The following MAPK14 variants were observed in gnomAD, a reference collection of about 807,000 sequenced individuals.
The protein encoded by MAPK14 is mitogen-activated protein kinase 14, also known as CSAID-binding protein.
In MAPK14, 16 loss-of-function variants were observed where a neutral mutation model predicts 49.6. That is an observed-to-expected ratio of 0.32 (90% CI 0.22 to 0.49). The LOEUF is 0.49. Among genes scored for constraint, MAPK14 ranks in the 20% least tolerant of loss-of-function variants. The probability of loss-of-function intolerance (pLI) is 0.99; values close to 1 mark genes in which losing one functional copy is unlikely to be tolerated. For synonymous variants in MAPK14, 142 were observed against 158.0 expected (o/e 0.90, Z 0.76); for missense variants, 200 against 441.2 (o/e 0.45, Z 4.90).
At chr6:36,085,150 T>G (rs1764929030) in intron 8 of MAPK14, among the ~76,000 whole-genome samples, 1 of 152,166 alleles carries the variant, frequency 6.6e-6, no homozygotes, top group Non-Finnish European at 1.5e-5. Flanking sequence ...AGGCCTGTCT[T>G]GCAAGAGCTC....
intron 8 of MAPK14, among the ~76,000 whole-genome samples, chr6:36,079,273 T>C (rs180704691): frequency 2.0e-5 from 3 of 152,288 alleles, no homozygotes; most frequent in African/African-American, 4.8e-5. Flanking sequence ...TTCTTCGCTG[T>C]TCTTCTAATT....
At chr6:36,036,751 A>ATTTT (rs1260765946) in intron 1 of MAPK14, among the ~76,000 whole-genome samples, 1 of 151,688 alleles carries the variant, frequency 6.6e-6, no homozygotes, top group East Asian at 1.9e-4. Context: ...TTATTTATTT[A>ATTTT]TTTTTTCTAG....
chr6:36,065,301 G>A (rs775366438), intron 3 of MAPK14, among the ~76,000 whole-genome samples: 9 of 152,178 alleles, frequency 5.9e-5, no homozygotes, highest in Non-Finnish European at 1.3e-4. Flanking sequence ...TTAAACAGGT[G>A]AACACAAGAA....
At chr6:36,048,962 A>T (rs1236374098) in intron 1 of MAPK14, among the ~76,000 whole-genome samples, 1 of 152,228 alleles carries the variant, frequency 6.6e-6, no homozygotes, top group Non-Finnish European at 1.5e-5. Flanking sequence ...GAAGAACTCC[A>T]ACATACAGAG....
At chr6:36,058,632 C>G (rs1021737736) in intron 2 of MAPK14, among the ~76,000 whole-genome samples, 2 of 152,168 alleles carry the variant, frequency 1.3e-5, no homozygotes, top group Non-Finnish European at 2.9e-5. Flanking sequence ...GCCGTGGTGG[C>G]TCACTGCTGT....
At position 36,048,006 on chromosome 6, in the gene MAPK14, G is replaced by A. The variant is rs373628755; in HGVS notation, c.117-4693G>A. Among the ~76,000 whole-genome samples, 206 of 151,498 alleles carry A rather than the reference G, an allele frequency of 1.4e-3. 3 individuals carry two copies. The South Asian group carries it at 0.03, about 22-fold the overall frequency. On this transcript the variant is annotated intron_variant, in intron 1 of 11. Coordinates refer to ENST00000229794, the MANE Select transcript of MAPK14 (RefSeq NM_139012.3). The stretch of plus-strand genomic sequence containing the variant: ...CTCCCAAAGTGCTGGGATTATAGGC[G>A]TGAGCCACTGCGCCTGGCTGCCTAA...
intron 8 of MAPK14, among the ~76,000 whole-genome samples, chr6:36,083,552 C>T (rs1764851079): frequency 6.6e-6 from 1 of 152,216 alleles, no homozygotes; most frequent in Admixed American, 6.5e-5. Flanking sequence ...AGAAGGAATT[C>T]CCTACAGTGC....
At chr6:36,097,656 T>C (rs1294028340) in intron 9 of MAPK14, 3 of 152,212 alleles carry the variant, frequency 2.0e-5, no homozygotes, top group Non-Finnish European at 1.5e-5. Context: ...ATCTGCCCTA[T>C]AGATACGTGC....
At chr6:36,078,047 G>A (rs1041984873) in intron 8 of MAPK14, among the ~76,000 whole-genome samples, 11 of 152,092 alleles carry the variant, frequency 7.2e-5, no homozygotes, top group African/African-American at 1.9e-4. Flanking sequence ...CCTCCATGCC[G>A]GTGTAGACAC....
At chr6:36,029,013 G>T (rs1387523257) in intron 1 of MAPK14, 1 of 151,984 alleles carries the variant, frequency 6.6e-6, no homozygotes, top group African/African-American at 2.4e-5. Context: ...GAACACTGCA[G>T]CTTGAGAAAC....
chr6:36,119,661 C>G, the MAPK14 span, among the ~76,000 whole-genome samples: 7 of 152,150 alleles, frequency 4.6e-5, no homozygotes, highest in African/African-American at 7.2e-5. Flanking sequence ...GAACAATAGG[C>G]AATGTCTGGA....
chr6:36,029,734 G>A (rs1465228077), intron 1 of MAPK14, among the ~76,000 whole-genome samples: 1 of 152,140 alleles, frequency 6.6e-6, no homozygotes. Context: ...TCTAGTTCAA[G>A]TTGCTTAAGT....
At chr6:36,087,828 A>G (rs1765049209) in intron 8 of MAPK14, among the ~76,000 whole-genome samples, 1 of 152,206 alleles carries the variant, frequency 6.6e-6, no homozygotes, top group East Asian at 1.9e-4. Flanking sequence ...ATATAGCCCA[A>G]ACAATTCTAA....
the MAPK14 span, among the ~76,000 whole-genome samples, chr6:36,117,772 G>A: frequency 1.3e-5 from 2 of 152,212 alleles, no homozygotes; most frequent in Non-Finnish European, 2.9e-5. Context: ...AAGGCTGCAT[G>A]TCATCGAAGA....
chr6:36,120,088 T>G, the MAPK14 span, among the ~76,000 whole-genome samples: 1 of 152,026 alleles, frequency 6.6e-6, no homozygotes, highest in East Asian at 1.9e-4. Flanking sequence ...ACTGACACTG[T>G]GTAACCTCCG....
At chr6:36,119,457 A>G in the MAPK14 span, among the ~76,000 whole-genome samples, 2 of 152,236 alleles carry the variant, frequency 1.3e-5, no homozygotes, top group South Asian at 2.1e-4. Flanking sequence ...GGAACAGAGT[A>G]CAGACTTTTC....
chr6:36,092,746 G>T, intron 8 of MAPK14: 1 of 275,168 alleles, frequency 3.6e-6, no homozygotes, highest in Admixed American at 4.7e-5. Flanking sequence ...GGAGGCAGCA[G>T]TGTCAGCATA....
At chr6:36,078,105 A>G (rs544996017) in intron 8 of MAPK14, among the ~76,000 whole-genome samples, 10 of 152,348 alleles carry the variant, frequency 6.6e-5, no homozygotes, top group Admixed American at 3.9e-4. Context: ...GGTTAAGCAC[A>G]TGCTCTGGAG....
rs1456116506 is a variant in MAPK14, at chr6:36,109,767, T to C, written c.*1320T>C. 6.6e-6 allele frequency: 1 copy of C among 152,654 alleles called. No individual in the cohort carries two copies. The highest frequency in any genetic ancestry group is 2.4e-5 in the African/African-American group (1 of 41,470). The allele number at this position is 152,654 out of a possible 1,614,324, so 9.5% of individuals were successfully genotyped here. On this transcript the variant is annotated 3_prime_UTR_variant, in exon 12 of 12. Transcript: ENST00000229794. ...CCCAATAACTAATGCTAAGAAATGC[T>C]GAAAATCAAAGTAAAAAATTAAAGC...
Sources: gnomAD v4.1 joint callset for allele counts (sites outside exome capture counted in the v4.1 genomes callset) on GRCh38, gnomAD v4.1.1 for gene constraint, MANE v1.5 for transcripts, NCBI Gene and HGNC (gene_info 2026-07-23, HGNC 2026-07-21) for gene names.